The following CFAP418 variants were observed in gnomAD, a reference collection of about 807,000 sequenced individuals.
CFAP418 encodes the protein cilia- and flagella-associated protein 418.
In CFAP418, 27 loss-of-function variants were observed where a neutral mutation model predicts 24.7. That is an observed-to-expected ratio of 1.09 (90% CI 0.81 to 1.51). The LOEUF is 1.51. CFAP418 is among the 40% of genes most tolerant of loss of function. CFAP418 has a pLI of 0.00. For synonymous variants in CFAP418, 74 were observed against 87.3 expected, an observed-to-expected ratio of 0.85 and a Z score of 0.85; for missense variants, 257 against 255.2, an observed-to-expected ratio of 1.01 and a Z score of -0.05.
Position 95,269,174 on chromosome 8 carries a change from C to T in CFAP418, c.16G>A (p.Asp6Asn), listed in dbSNP as rs769221863. The change falls in exon 1 of 6, where the codon GAC (aspartate) becomes AAC (asparagine). Residue 6 changes from aspartate to asparagine, a missense_variant. Transcript: ENST00000286688. MAEDL[D>N]ELLDEVESKF... Reference sequence around the variant, plus strand: ...GACTCGACTTCATCCAAGAGCTCGTCCAGGTCCTCCGCCATCTTGAATCGC... The same window carrying T: ...GACTCGACTTCATCCAAGAGCTCGTTCAGGTCCTCCGCCATCTTGAATCGC... 5.6e-6 allele frequency: 9 copies of T among 1,614,188 alleles called. No individual in the cohort carries two copies. Among genetic ancestry groups the T allele is most frequent in the Non-Finnish European group, 6.8e-6 (8 of 1,179,992 alleles).
chr8:95,251,288 G>A (rs574705131), intron 5 of CFAP418, among the ~76,000 whole-genome samples: 5 of 152,312 alleles, frequency 3.3e-5, no homozygotes, highest in Non-Finnish European at 7.4e-5. Flanking sequence ...AATCATGGAA[G>A]ACATGTGATG....
chr8:95,248,435 T>C (rs186431910), intron 5 of CFAP418, among the ~76,000 whole-genome samples: 8 of 152,294 alleles, frequency 5.3e-5, no homozygotes, highest in Admixed American at 2.6e-4. Context: ...GCCTGTAATA[T>C]GGCAAGTTGA....
At chr8:95,266,774 GTTAC>G (rs1811987664) in intron 1 of CFAP418, among the ~76,000 whole-genome samples, 1 of 152,168 alleles carries the variant, frequency 6.6e-6, no homozygotes, top group Non-Finnish European at 1.5e-5. Flanking sequence ...AGGCTTTTAT[GTTAC>G]TTAGTACTAA....
At chr8:95,251,892 A>G (rs140405046) in intron 5 of CFAP418, among the ~76,000 whole-genome samples, 85 of 152,364 alleles carry the variant, frequency 5.6e-4, no homozygotes, top group Middle Eastern at 3.4e-3. Context: ...ACAGCATGTT[A>G]CTGTTTATAC....
chr8:95,249,355 ACTT>A (rs1302006003), intron 5 of CFAP418, among the ~76,000 whole-genome samples: 4 of 152,214 alleles, frequency 2.6e-5, no homozygotes, highest in Non-Finnish European at 4.4e-5. Context: ...TATAGCTGAC[ACTT>A]CTTTTACAAT....
chr8:95,259,268 T>C (rs1185474328), intron 4 of CFAP418, among the ~76,000 whole-genome samples: 2 of 152,210 alleles, frequency 1.3e-5, no homozygotes, highest in Non-Finnish European at 2.9e-5. Context: ...GCCAATGGAA[T>C]GTGCTAGGAC....
At chr8:95,264,563 G>C (rs1206814774) in intron 1 of CFAP418, among the ~76,000 whole-genome samples, 1 of 152,120 alleles carries the variant, frequency 6.6e-6, no homozygotes, top group Non-Finnish European at 1.5e-5. Context: ...ATTGAATCTA[G>C]GGCAGTCCGT....
chr8:95,269,150 A>C lies in CFAP418; in HGVS notation c.40T>G (p.Ser14Ala). ...DLDELLDEVE[S>A]KFCTPDLLRR... ...AGAAGGTCAGGTGTGCAAAACTTGG[A>C]CTCGACTTCATCCAAGAGCTCGTCC... is the stretch of plus-strand genomic sequence containing the variant. Residue 14 changes from serine to alanine, a missense_variant, in exon 1 of 6, where the codon TCC becomes GCC. By Grantham distance (99) the Ser-to-Ala change is moderately conservative. Transcript: ENST00000286688. The C allele has an allele frequency of 6.2e-7, 1 of 1,614,074 alleles. No individual in the cohort carries two copies. Among genetic ancestry groups the C allele is most frequent in the East Asian group, 2.2e-5 (1 of 44,870 alleles).
chr8:95,255,705 T>C (rs760907835), intron 4 of CFAP418, among the ~76,000 whole-genome samples: 4 of 152,272 alleles, frequency 2.6e-5, no homozygotes, highest in Non-Finnish European at 4.4e-5. Context: ...ATGTGTTTGA[T>C]GAATTTAACA....
In CFAP418 at chr8:95,246,441, T is replaced by C. The variant is rs1412204574; in HGVS notation, c.*1176A>G. The stretch of plus-strand genomic sequence containing the variant: ...AATGATCAGATCTTCCTCCCTTCAG[T>C]AGGGTGGCTGGAATAAATTTAGCAT... On this transcript the variant is annotated 3_prime_UTR_variant, in exon 6 of 6. Coordinates refer to ENST00000286688, the MANE Select transcript of CFAP418 (RefSeq NM_177965.4). The C allele has an allele frequency of 6.6e-6, 1 of 152,210 alleles. No individual in the cohort carries two copies. Among genetic ancestry groups the C allele is most frequent in the Non-Finnish European group, 1.5e-5 (1 of 68,016 alleles). 9.4% of individuals were successfully genotyped at this position (152,210 alleles called of 1,614,324 possible). A position where few individuals can be genotyped will look rare whatever the true frequency, so the allele number is the denominator to read the frequency against.
chr8:95,264,300 T>C (rs1811939878), intron 1 of CFAP418, among the ~76,000 whole-genome samples: 1 of 152,150 alleles, frequency 6.6e-6, no homozygotes, highest in South Asian at 2.1e-4. Flanking sequence ...ACCTCTACCT[T>C]CTGCAGGCAA....
chr8:95,259,577 TG>T (rs1488584955), intron 4 of CFAP418, among the ~76,000 whole-genome samples: 1 of 152,060 alleles, frequency 6.6e-6, no homozygotes, highest in East Asian at 1.9e-4. Context: ...CTGTGTCCTG[TG>T]GAAACAAAGC....
intron 2 of CFAP418, among the ~76,000 whole-genome samples, chr8:95,262,828 A>G (rs1811914503): frequency 1.3e-5 from 2 of 152,184 alleles, no homozygotes; most frequent in Non-Finnish European, 2.9e-5. Flanking sequence ...CCCTGTGTAC[A>G]TGTCAAAATT....
intron 4 of CFAP418, 54 bp downstream of exon 4, chr8:95,259,786 C>T: frequency 8.0e-7 from 1 of 1,247,200 alleles, no homozygotes; most frequent in Non-Finnish European, 1.2e-6. Flanking sequence ...AACAATGGGG[C>T]ATCCATTTGG....
At chr8:95,268,323 TTTACGTAATCCCAGA>T (rs1812039755) in intron 1 of CFAP418, among the ~76,000 whole-genome samples, 1 of 151,618 alleles carries the variant, frequency 6.6e-6, no homozygotes, top group African/African-American at 2.4e-5. Context: ...GTAATCCCAG[TTTACGTAATCCCAGA>T]TTACAGGCTC....
In CFAP418 at chr8:95,269,072, T is replaced by C. The variant is rs1197069764; in HGVS notation, c.118A>G (p.Ser40Gly). ...PKGCGGGTHS[S>G]DRNQAKAKET... ...TTCGCCTTGGCTTGGTTCCGGTCGCTACTGTGGGTGCCGCCGCCGCAGCCT... is the reference window on the plus strand; with the variant it reads ...TTCGCCTTGGCTTGGTTCCGGTCGCCACTGTGGGTGCCGCCGCCGCAGCCT... Residue 40 changes from serine (S) to glycine (G), a missense_variant, in exon 1 of 6, where the codon AGC becomes GGC. Physicochemically the swap from Ser to Gly is moderately conservative, Grantham distance 56. Coordinates refer to ENST00000286688, the MANE Select transcript of CFAP418 (RefSeq NM_177965.4). 1.9e-6 allele frequency: 3 copies of C among 1,614,176 alleles called. No individual in the cohort carries two copies. The highest frequency in any genetic ancestry group is 1.7e-5 in the Admixed American group (1 of 60,030).
intron 1 of CFAP418, among the ~76,000 whole-genome samples, chr8:95,267,474 G>A (rs1430911510): frequency 2.0e-5 from 3 of 152,168 alleles, no homozygotes; most frequent in Non-Finnish European, 4.4e-5. Flanking sequence ...GGTGGCGGGC[G>A]CCTGTAGTCT....
At chr8:95,257,717 T>C (rs1811814004) in intron 4 of CFAP418, among the ~76,000 whole-genome samples, 1 of 152,212 alleles carries the variant, frequency 6.6e-6, no homozygotes, top group Non-Finnish European at 1.5e-5. Context: ...CCTACTGAGC[T>C]GCCAGTTGTA....
Position 95,269,074 on chromosome 8 carries a change from C to T in CFAP418, c.116G>A (p.Ser39Asn). Residue 39 changes from serine to asparagine, a missense_variant, in exon 1 of 6, where the codon AGT (serine) becomes AAT (asparagine). Physicochemically the swap from Ser to Asn is conservative, Grantham distance 46. Transcript: ENST00000286688. ...CGCCTTGGCTTGGTTCCGGTCGCTA[C>T]TGTGGGTGCCGCCGCCGCAGCCTTT... ...QPKGCGGGTH[S>N]SDRNQAKAKE... is the part of the protein sequence containing the mutation. 1 of 1,614,210 alleles carries T rather than the reference C, an allele frequency of 6.2e-7. No homozygotes were observed. The highest frequency in any genetic ancestry group is 8.5e-7 in the Non-Finnish European group (1 of 1,180,022).
Sources: gnomAD v4.1 joint callset for allele counts (sites outside exome capture counted in the v4.1 genomes callset) on GRCh38, gnomAD v4.1.1 for gene constraint, MANE v1.5 for transcripts, NCBI Gene and HGNC (gene_info 2026-07-23, HGNC 2026-07-21) for gene names.